TTLL5: variants seen among roughly 807,000 people sequenced by gnomAD.
TTLL5 encodes tubulin tyrosine ligase like 5, also known as tubulin polyglutamylase TTLL5.
TTLL5 carries 132 observed loss-of-function variants against 168.4 expected under a neutral mutation model. The ratio of observed to expected loss-of-function variants is 0.78; its 90% CI spans 0.68 to 0.91. The LOEUF (loss-of-function observed/expected upper bound fraction) is 0.91, where lower values mean the gene tolerates loss of function less well. Among genes scored for constraint, TTLL5 ranks in the 40% least tolerant of loss-of-function variants. The pLI is 0.00. For missense variants in TTLL5, 1,545 were observed against 1,581.5 expected, an observed-to-expected ratio of 0.98 and a Z score of 0.39; for synonymous variants, 546 against 558.6, an observed-to-expected ratio of 0.98 and a Z score of 0.32.
At chr14:75,703,561 A>G (rs1449473978) in intron 7 of TTLL5, among the ~76,000 whole-genome samples, 1 of 152,236 alleles carries the variant, frequency 6.6e-6, no homozygotes, top group Admixed American at 6.5e-5. Context: ...GTATATTCAA[A>G]GCAAGGAGGG....
At chr14:75,733,637 A>G (rs142385839) in intron 13 of TTLL5, among the ~76,000 whole-genome samples, 1 of 152,320 alleles carries the variant, frequency 6.6e-6, no homozygotes. Flanking sequence ...TACTCATAAA[A>G]GAGCATACTG....
chr14:75,803,569 G>A (rs542844450), intron 27 of TTLL5, among the ~76,000 whole-genome samples: 1 of 152,344 alleles, frequency 6.6e-6, no homozygotes, highest in South Asian at 2.1e-4. Context: ...AATCTGAGCA[G>A]AGAGCAGGTC....
At chr14:75,895,159 A>G (rs545263401) in intron 30 of TTLL5, among the ~76,000 whole-genome samples, 1 of 152,350 alleles carries the variant, frequency 6.6e-6, no homozygotes, top group Admixed American at 6.5e-5. Context: ...TCATGGGCGA[A>G]ATGATCTAAA....
intron 29 of TTLL5, among the ~76,000 whole-genome samples, chr14:75,876,988 C>T (rs1342180882): frequency 1.3e-5 from 2 of 152,116 alleles, no homozygotes; most frequent in Non-Finnish European, 2.9e-5. Context: ...CAGAGGGAAA[C>T]GGACAAGAAA....
At chr14:75,947,908 C>T (rs2034826648) in intron 31 of TTLL5, among the ~76,000 whole-genome samples, 1 of 150,592 alleles carries the variant, frequency 6.6e-6, no homozygotes, top group African/African-American at 2.5e-5. Context: ...CCACTGCACT[C>T]CAGCCTGGGC....
intron 28 of TTLL5, among the ~76,000 whole-genome samples, chr14:75,833,476 G>A (rs1895693393): frequency 6.6e-6 from 1 of 152,160 alleles, no homozygotes; most frequent in Non-Finnish European, 1.5e-5. Context: ...AAAGCATGTA[G>A]TTAAGAGGCA....
chr14:75,825,676 T>TA (rs553101479), intron 28 of TTLL5, among the ~76,000 whole-genome samples: 206 of 152,042 alleles, frequency 1.4e-3, no homozygotes, highest in African/African-American at 4.5e-3. Context: ...TGGGGGGGAC[T>TA]AAAAAAAATT....
At chr14:75,797,372 C>G (rs1467563455) in intron 27 of TTLL5, among the ~76,000 whole-genome samples, 1 of 151,954 alleles carries the variant, frequency 6.6e-6, no homozygotes, top group Non-Finnish European at 1.5e-5. Flanking sequence ...CAAACAGCAA[C>G]AGTTTGACTT....
intron 30 of TTLL5, among the ~76,000 whole-genome samples, chr14:75,890,998 C>T (rs986912789): frequency 6.6e-6 from 1 of 152,158 alleles, no homozygotes; most frequent in Admixed American, 6.5e-5. Flanking sequence ...GGATTACAGG[C>T]GTGAGCCGCT....
At chr14:75,803,871 TGTG>T (rs2140373095) in intron 27 of TTLL5, among the ~76,000 whole-genome samples, 1 of 152,286 alleles carries the variant, frequency 6.6e-6, no homozygotes, top group East Asian at 1.9e-4. Context: ...AGCCCAGCTT[TGTG>T]GTGAGAAGTG....
At chr14:75,678,267 A>G (rs866382854) in intron 3 of TTLL5, among the ~76,000 whole-genome samples, 11 of 152,320 alleles carry the variant, frequency 7.2e-5, no homozygotes, top group Middle Eastern at 3.4e-3. Flanking sequence ...GGAATCACCC[A>G]TTACTTACAT....
rs777806616 is a variant in TTLL5 at position 75,669,480 on chromosome 14, G to A, written c.139G>A (p.Asp47Asn). Residue 47 changes from aspartate (D) to asparagine (N), a missense_variant, in exon 3 of 32, where the codon GAC becomes AAC. Transcript: ENST00000298832. ...RRIPVLVFHADAILTKDNNIR... is the reference protein window; with the variant it reads ...RRIPVLVFHANAILTKDNNIR... The stretch of plus-strand genomic sequence containing the variant: ...AATTCCAGTTTTGGTATTCCATGCC[G>A]ACGCTATTCTTACAAAGGACAACAA... The A allele has an allele frequency of 5.0e-6, 8 of 1,614,008 alleles. No individual in the cohort carries two copies. Among genetic ancestry groups the A allele is most frequent in the Non-Finnish European group, 5.9e-6 (7 of 1,179,980 alleles).
chr14:75,756,932 C>G (rs113174664), intron 18 of TTLL5, among the ~76,000 whole-genome samples: 1,648 of 151,802 alleles, frequency 0.011, 16 homozygotes, highest in Non-Finnish European at 0.016. Flanking sequence ...AGTTTAGAGA[C>G]AATGGAGAGT....
At chr14:75,914,939 A>G (rs774523393) in intron 31 of TTLL5, among the ~76,000 whole-genome samples, 9 of 152,226 alleles carry the variant, frequency 5.9e-5, no homozygotes, top group Non-Finnish European at 1.5e-5. Flanking sequence ...TACTCTTTAG[A>G]TAACAACATC....
chr14:75,848,405 A>G (rs1270968264), intron 28 of TTLL5, among the ~76,000 whole-genome samples: 1 of 152,086 alleles, frequency 6.6e-6, no homozygotes, highest in East Asian at 1.9e-4. Flanking sequence ...TTGCCTTTGC[A>G]GAGTGTGAAA....
intron 1 of TTLL5, among the ~76,000 whole-genome samples, chr14:75,662,793 A>G (rs1019903600): frequency 2.6e-5 from 4 of 152,234 alleles, no homozygotes; most frequent in African/African-American, 9.6e-5. Context: ...GATTTAGTAA[A>G]TAATGAGAAA....
chr14:75,861,304 AAATCTCTCTAAGAGAGTTGGG>A (rs901400300), intron 28 of TTLL5, among the ~76,000 whole-genome samples: 2 of 152,196 alleles, frequency 1.3e-5, no homozygotes, highest in African/African-American at 4.8e-5. Context: ...AGAGATTTGG[AAATCTCTCTAAGAGAGTTGGG>A]AAACCAAAGC....
At chr14:75,823,056 T>TA (rs1454097550) in intron 28 of TTLL5, among the ~76,000 whole-genome samples, 1 of 152,166 alleles carries the variant, frequency 6.6e-6, no homozygotes, top group Non-Finnish European at 1.5e-5. Flanking sequence ...TACAGTCACA[T>TA]GTTTAGAAGC....
At chr14:75,695,682 C>A (rs1885789461) in intron 6 of TTLL5, among the ~76,000 whole-genome samples, 1 of 152,102 alleles carries the variant, frequency 6.6e-6, no homozygotes, top group Non-Finnish European at 1.5e-5. Flanking sequence ...TAGAAAAGAA[C>A]CTATGTTGAA....
Sources: allele counts gnomAD v4.1 joint callset (sites outside exome capture counted in the v4.1 genomes callset), GRCh38; gene constraint gnomAD v4.1.1; transcripts MANE v1.5; gene names NCBI Gene and HGNC (gene_info 2026-07-23, HGNC 2026-07-21).